Variants in ZNF497 observed in about 807,000 individuals in gnomAD.
The protein encoded by ZNF497 is zinc finger-like protein.
For missense variants in ZNF497, 930 were observed against 714.0 expected (o/e 1.30, Z -3.45); for synonymous variants, 422 against 313.7 (o/e 1.35, Z -3.65).
Position 58,359,157 on chromosome 19 carries a change from A to G in ZNF497, c.-111-572T>C, listed in dbSNP as rs1254150274. ...GCTGCCTTCTCATAGCAGAACCCCC[A>G]GAAGCACTGGCCAGGGCTCTTGGAG... On this transcript the variant is annotated intron_variant, in intron 1 of 2. Transcript: ENST00000311044. 1.6e-5 allele frequency: 21 copies of G among 1,286,834 alleles called. No individual in the cohort carries two copies. In the South Asian group the frequency reaches 2.5e-4, roughly 15 times the overall value. The allele number at this position is 1,286,834 out of a possible 1,614,324, so 79.7% of individuals were successfully genotyped here.
At position 58,357,433 on chromosome 19, in the gene ZNF497, C is replaced by T; in HGVS notation, c.203G>A (p.Gly68Glu). 6.2e-7 allele frequency: 1 copy of T among 1,600,474 alleles called. No individual in the cohort carries two copies. Among genetic ancestry groups the T allele is most frequent in the Non-Finnish European group, 8.5e-7 (1 of 1,173,594 alleles). ...GGGGCCCAGCTCCCTGCCGGGGCCTCCCTGTTCGTCCGCCGCCCCCAGTGT... is the reference window on the plus strand; with the variant it reads ...GGGGCCCAGCTCCCTGCCGGGGCCTTCCTGTTCGTCCGCCGCCCCCAGTGT... ...QATLGAADEQ[G>E]GPGRELGPAD... is the part of the protein sequence containing the mutation. The change falls in exon 3 of 3, where the codon GGA (glycine) becomes GAA (glutamate). Residue 68 changes from glycine to glutamate, a missense_variant. Physicochemically the swap from Gly to Glu is moderately conservative, Grantham distance 98 (BLOSUM62 -2). Transcript: ENST00000311044.
At position 58,356,692 on chromosome 19, in the gene ZNF497, G is replaced by A. The variant is rs890147519; in HGVS notation, c.944C>T (p.Ser315Leu). 1 of 1,561,124 alleles carries A rather than the reference G, an allele frequency of 6.4e-7. No homozygotes were observed. ...CGTGCGCTGGTGCTGCAGGAGCTGC[G>A]AGCTCTCGCGGAAAGCCTTTCCGCA... is the stretch of plus-strand genomic sequence containing the variant. Reference protein sequence around the residue: ...AECGKAFRESSQLLQHQRTHT... With the variant: ...AECGKAFRESLQLLQHQRTHT... The change falls in exon 3 of 3, where the codon TCG (serine) becomes TTG (leucine). Residue 315 changes from serine (S) to leucine (L), a missense_variant. By Grantham distance (145) the Ser-to-Leu change is moderately radical. Transcript: ENST00000311044.
intron 1 of ZNF497, among the ~76,000 whole-genome samples, chr19:58,361,212 GAGAAC>G (rs2052090295): frequency 6.6e-6 from 1 of 152,150 alleles, no homozygotes; most frequent in Non-Finnish European, 1.5e-5. Context: ...TGGTAGAAAT[GAGAAC>G]AGATTACTAG....
intron 1 of ZNF497, among the ~76,000 whole-genome samples, chr19:58,361,564 TCA>T: frequency 1.3e-5 from 2 of 151,674 alleles, no homozygotes; most frequent in Admixed American, 1.3e-4. Flanking sequence ...ACCATGTTGC[TCA>T]GGCTGGTCTT....
In ZNF497 at chr19:58,356,789, A is replaced by C. The variant is rs763328463; in HGVS notation, c.847T>G (p.Phe283Val). Reference protein sequence around the residue: ...PHACPDCGKAFVRVAGLRQHR... With the variant: ...PHACPDCGKAVVRVAGLRQHR... ...TGCCGCAGCCCCGCCACACGCACGA[A>C]GGCCTTGCCGCAGTCGGGACAGGCG... Residue 283 changes from phenylalanine (F) to valine (V), a missense_variant, in exon 3 of 3, where the codon TTC becomes GTC. Phe to Val is a conservative substitution (Grantham distance 50). Transcript: ENST00000311044. 5.7e-6 allele frequency: 9 copies of C among 1,579,444 alleles called. No homozygotes were observed. The East Asian group carries it at 2.1e-4, about 36-fold the overall frequency.
Position 58,357,579 on chromosome 19 carries a change from G to C in ZNF497, c.57C>G (p.Leu19=). 1 of 1,591,040 alleles carries C rather than the reference G, an allele frequency of 6.3e-7. No homozygotes were observed. The highest frequency in any genetic ancestry group is 1.3e-5 in the African/African-American group (1 of 74,206). Residue 19 remains leucine, a synonymous_variant, in exon 3 of 3, where the codon CTC becomes CTG. Coordinates refer to ENST00000311044, the MANE Select transcript of ZNF497 (RefSeq NM_198458.3). Reference sequence around the variant, plus strand: ...CCCTCGTGGCAGTCTTCACATTGCAGAGGACCTGGCCTTCCTCTGGGGCCA... The same window carrying C: ...CCCTCGTGGCAGTCTTCACATTGCACAGGACCTGGCCTTCCTCTGGGGCCA... ...LQVAPEEGQV[L]CNVKTATRGL... is the part of the protein sequence containing the mutation.
rs759509731 is a variant in ZNF497, at chr19:58,357,622, C to T, written c.14G>A (p.Arg5Lys). Residue 5 changes from arginine (R) to lysine (K), a missense_variant, in exon 3 of 3, where the codon AGA becomes AAA. Coordinates refer to ENST00000311044, the MANE Select transcript of ZNF497 (RefSeq NM_198458.3). ...TGGGGCCACCTGCAGGGTCCACCCT[C>T]TTGGGGACTCCATCTCGCGCCTGTG... MESP[R>K]GWTLQVAPEE... 1.0e-5 allele frequency: 16 copies of T among 1,527,574 alleles called. No individual in the cohort carries two copies. The highest frequency in any genetic ancestry group is 1.3e-5 in the Non-Finnish European group (15 of 1,140,670). The allele number at this position is 1,527,574 out of a possible 1,614,324, so 94.6% of individuals were successfully genotyped here.
Position 58,356,348 on chromosome 19 carries a change from G to A in ZNF497, c.1288C>T (p.Arg430Cys), listed in dbSNP as rs538476867. 3.8e-6 allele frequency: 6 copies of A among 1,566,408 alleles called. No homozygotes were observed. Among genetic ancestry groups the A allele is most frequent in the Middle Eastern group, 3.4e-4 (2 of 5,836 alleles). The change falls in exon 3 of 3, where the codon CGC becomes TGC. Residue 430 changes from arginine (R) to cysteine (C), a missense_variant. Physicochemically the swap from Arg to Cys is radical, Grantham distance 180. Coordinates refer to ENST00000311044, the MANE Select transcript of ZNF497 (RefSeq NM_198458.3). ...GKAFRGSSELRQHQRLHSGER... is the reference protein window; with the variant it reads ...GKAFRGSSELCQHQRLHSGER... ...CCAGAGTGCAGGCGCTGGTGCTGGC[G>A]CAGCTCGGAGCTGCCGCGGAAGGCC...
At chr19:58,359,302 G>A (rs982141364) in intron 1 of ZNF497, 3 of 1,269,646 alleles carry the variant, frequency 2.4e-6, no homozygotes, top group East Asian at 5.6e-5. Flanking sequence ...CAGCTGCATG[G>A]CCCAGGGTAC....
In ZNF497 at chr19:58,356,635, T is replaced by C; in HGVS notation, c.1001A>G (p.Glu334Gly). The part of the protein sequence containing the change: ...HTGERPFECA[E>G]CGQAFVMGSY... ...GCCCATGACGAAAGCCTGGCCGCAC[T>C]CGGCGCACTCGAAGGGCCGCTCACC... The change falls in exon 3 of 3, where the codon GAG (glutamate) becomes GGG (glycine). Residue 334 changes from glutamate (E) to glycine (G), a missense_variant. By Grantham distance (98) the Glu-to-Gly change is moderately conservative (BLOSUM62 -2). Coordinates refer to ENST00000311044, the MANE Select transcript of ZNF497 (RefSeq NM_198458.3). 6.5e-7 allele frequency: 1 copy of C among 1,545,548 alleles called. No homozygotes were observed. Among genetic ancestry groups the C allele is most frequent in the Non-Finnish European group, 8.7e-7 (1 of 1,150,796 alleles).
rs539017761 is a variant in ZNF497 at position 58,362,345 on chromosome 19, T to C, written c.-112+332A>G. ...GGCTGGGGACTGATGAACGAATAAATGAATGTGGGAAGAAATGATGGCGCG... is the reference window on the plus strand; with the variant it reads ...GGCTGGGGACTGATGAACGAATAAACGAATGTGGGAAGAAATGATGGCGCG... On this transcript the variant is annotated intron_variant, in intron 1 of 2. Coordinates refer to ENST00000311044, the MANE Select transcript of ZNF497 (RefSeq NM_198458.3). Among the ~76,000 whole-genome samples the C allele has an allele frequency of 4.6e-5, 7 of 152,058 alleles. No individual in the cohort carries two copies. The East Asian group carries it at 9.7e-4, about 21-fold the overall frequency.
Position 58,357,597 on chromosome 19 carries a change from TG to T in ZNF497, c.38del (p.Pro13GlnfsTer10). 6.4e-7 allele frequency: 1 copy of T among 1,557,982 alleles called. No homozygotes were observed. Among genetic ancestry groups the T allele is most frequent in the Non-Finnish European group, 8.7e-7 (1 of 1,155,668 alleles). On this transcript the variant is annotated frameshift_variant, in exon 3 of 3. Coordinates refer to ENST00000311044, the MANE Select transcript of ZNF497 (RefSeq NM_198458.3). Reference sequence around the variant, plus strand: ...CATTGCAGAGGACCTGGCCTTCCTCTGGGGCCACCTGCAGGGTCCACCCTCT... The same window carrying T: ...CATTGCAGAGGACCTGGCCTTCCTCTGGGCCACCTGCAGGGTCCACCCTCT... ...SPRGWTLQVA[P>X]EEGQVLCNVK...
rs935685866 is a variant in ZNF497 at position 58,357,371 on chromosome 19, C to T, written c.265G>A (p.Glu89Lys). 3.8e-6 allele frequency: 6 copies of T among 1,592,974 alleles called. No individual in the cohort carries two copies. In the African/African-American group the frequency reaches 8.1e-5, roughly 21 times the overall value. Residue 89 changes from glutamate to lysine, a missense_variant, in exon 3 of 3, where the codon GAG becomes AAG. Transcript: ENST00000311044. ...GGGCGCAACGCCCGGTCTGCAGGCT[C>T]GCTCCTGGGCCCAGCCCCGTCCCGC... ...GGRDGAGPRS[E>K]PADRALRPSP...
In ZNF497 at chr19:58,358,898, C is replaced by T. The variant is rs755466667; in HGVS notation, c.-111-313G>A. 7.5e-5 allele frequency: 34 copies of T among 455,554 alleles called. No homozygotes were observed. The Admixed American group carries it at 8.0e-4, about 11-fold the overall frequency. 28.2% of individuals were successfully genotyped at this position (455,554 alleles called of 1,614,324 possible). A position where few individuals can be genotyped will look rare whatever the true frequency, so the allele number is the denominator to read the frequency against. On this transcript the variant is annotated intron_variant, in intron 1 of 2. Coordinates refer to ENST00000311044, the MANE Select transcript of ZNF497 (RefSeq NM_198458.3). ...CACCCAGCCCCCAGACCAGCCCCCA[C>T]TCATCTGGAGTCCTGGCCCAGCTGA... is the stretch of plus-strand genomic sequence containing the variant.
intron 1 of ZNF497, among the ~76,000 whole-genome samples, chr19:58,362,104 C>T (rs1254038269): frequency 1.3e-5 from 2 of 152,242 alleles, no homozygotes; most frequent in Non-Finnish European, 2.9e-5. Flanking sequence ...AGCCACCTCC[C>T]GCGTCAGTCC....
intron 1 of ZNF497, chr19:58,359,520 C>T (rs1340366642): frequency 2.2e-6 from 1 of 453,050 alleles, no homozygotes; most frequent in Non-Finnish European, 4.5e-6. Flanking sequence ...ACCATCCCTT[C>T]CCCCCGCCTC....
chr19:58,357,748 ACTCTT>A (rs2052045324), intron 2 of ZNF497, 99 bp from the exon 3 acceptor site: 1 of 1,257,250 alleles, frequency 8.0e-7, no homozygotes, highest in Admixed American at 3.1e-5. Flanking sequence ...GTCATCCCCC[ACTCTT>A]CTCCTCCAGG....
In ZNF497 at chr19:58,356,249, TGCGCCG is replaced by T. The variant is rs1462711624; in HGVS notation, c.1381_1386del (p.Arg461_Arg462del). ...GCGTAGGGCCTCTCGCCCGTGTGCG[TGCGCCG>T]GTGGCTTAAGAGCTCCGACTTGCGC... On this transcript the variant is annotated inframe_deletion, in exon 3 of 3. Coordinates refer to ENST00000311044, the MANE Select transcript of ZNF497 (RefSeq NM_198458.3). The T allele has an allele frequency of 6.2e-7, 1 of 1,603,242 alleles. No homozygotes were observed. Among genetic ancestry groups the T allele is most frequent in the Non-Finnish European group, 8.5e-7 (1 of 1,175,764 alleles).
rs1052203517 is a variant in ZNF497, at chr19:58,354,606, C to G, written c.*1533G>C. ...GGCTTCTGCTGTGAGGGACGGGGAGCTGTGGAGACTCCCTCTGTTTGGTCC... is the reference window on the plus strand; with the variant it reads ...GGCTTCTGCTGTGAGGGACGGGGAGGTGTGGAGACTCCCTCTGTTTGGTCC... On this transcript the variant is annotated 3_prime_UTR_variant, in exon 3 of 3. Coordinates refer to ENST00000311044, the MANE Select transcript of ZNF497 (RefSeq NM_198458.3). 6.6e-6 allele frequency: 1 copy of G among 152,402 alleles called. No individual in the cohort carries two copies. The highest frequency in any genetic ancestry group is 1.5e-5 in the Non-Finnish European group (1 of 68,176). 9.4% of individuals were successfully genotyped at this position (152,402 alleles called of 1,614,324 possible).
Sources: allele counts gnomAD v4.1 joint callset (sites outside exome capture counted in the v4.1 genomes callset), GRCh38; gene constraint gnomAD v4.1.1; transcripts MANE v1.5; gene names NCBI Gene and HGNC (gene_info 2026-07-23, HGNC 2026-07-21).